The following SYNRG variants were observed in gnomAD, a reference collection of about 807,000 sequenced individuals.
The protein encoded by SYNRG is AP1 gamma subunit binding protein 1.
SYNRG carries 37 observed loss-of-function variants against 130.9 expected under a neutral mutation model. The ratio of observed to expected loss-of-function variants is 0.28; its 90% CI spans 0.22 to 0.37. The LOEUF (loss-of-function observed/expected upper bound fraction) is 0.37, where lower values mean the gene tolerates loss of function less well. Ranked by LOEUF, SYNRG falls within the 10% of genes least tolerant of loss-of-function variation. The pLI, the probability that SYNRG is intolerant of heterozygous loss-of-function variation, is 1.00. For missense variants in SYNRG, 1,338 were observed against 1,588.9 expected (o/e 0.84, Z 2.68); for synonymous variants, 539 against 568.1 (o/e 0.95, Z 0.73).
rs148724607 is a variant in SYNRG at position 37,570,984 on chromosome 17, T to A, written c.1099-99A>T. The A allele has an allele frequency of 2.6e-4, 374 of 1,425,036 alleles. No individual in the cohort carries two copies. In the African/African-American group the frequency reaches 3.7e-3, roughly 14 times the overall value. The allele number at this position is 1,425,036 out of a possible 1,614,324, so 88.3% of individuals were successfully genotyped here. A position where few individuals can be genotyped will look rare whatever the true frequency, so the allele number is the denominator to read the frequency against. Reference sequence around the variant, plus strand: ...GGTAAAAAAATCTGTAGCCTTTGCATGTTTCCACTCCAACTCTCAAAACTC... The same window carrying A: ...GGTAAAAAAATCTGTAGCCTTTGCAAGTTTCCACTCCAACTCTCAAAACTC... On this transcript the variant is annotated intron_variant, in intron 9 of 21. Transcript: ENST00000612223.
intron 6 of SYNRG, among the ~76,000 whole-genome samples, chr17:37,580,322 T>C (rs1337105687): frequency 6.7e-6 from 1 of 149,718 alleles, no homozygotes; most frequent in African/African-American, 2.5e-5. Context: ...TGAGATGGAA[T>C]CTTGCTGTGA....
At chr17:37,530,476 A>G (rs1403411501) in intron 19 of SYNRG, among the ~76,000 whole-genome samples, 1 of 152,210 alleles carries the variant, frequency 6.6e-6, no homozygotes, top group East Asian at 1.9e-4. Context: ...TCACTAGCGA[A>G]TCAATTTCAT....
intron 1 of SYNRG, among the ~76,000 whole-genome samples, chr17:37,608,271 C>T (rs2063990952): frequency 2.0e-5 from 3 of 152,048 alleles, no homozygotes. Flanking sequence ...GTAGTGTTCA[C>T]GACTCCGAAA....
chr17:37,536,248 T>C, intron 18 of SYNRG, 121 bp from the exon 19 acceptor site: 1 of 1,200,720 alleles, frequency 8.3e-7, no homozygotes, highest in Non-Finnish European at 1.1e-6. Context: ...GACAGAGGTG[T>C]ACTTACTATT....
At chr17:37,549,249 T>C (rs566929717) in intron 14 of SYNRG, among the ~76,000 whole-genome samples, 1 of 151,958 alleles carries the variant, frequency 6.6e-6, no homozygotes, top group South Asian at 2.1e-4. Context: ...ATGTAAACCA[T>C]GGAAATATCC....
At chr17:37,543,047 T>C (rs1370774369) in intron 14 of SYNRG, among the ~76,000 whole-genome samples, 1 of 152,204 alleles carries the variant, frequency 6.6e-6, no homozygotes, top group Non-Finnish European at 1.5e-5. Context: ...ATGAAAATAA[T>C]GTCATCTAAC....
chr17:37,538,240 G>T (rs2074409), intron 18 of SYNRG, 84 bp downstream of exon 18: 285,528 of 1,010,134 alleles, frequency 0.28, 44,775 homozygotes, highest in East Asian at 0.59. Flanking sequence ...TAACTTGAGA[G>T]ATCTAGCTTA....
At chr17:37,585,910 T>C (rs771110394) in intron 4 of SYNRG, among the ~76,000 whole-genome samples, 31 of 152,194 alleles carry the variant, frequency 2.0e-4, no homozygotes, top group Non-Finnish European at 3.4e-4. Flanking sequence ...TCACTTTCAC[T>C]AGATATAAAA....
chr17:37,562,698 C>T (rs533544541), intron 11 of SYNRG, among the ~76,000 whole-genome samples: 19 of 152,284 alleles, frequency 1.2e-4, no homozygotes, highest in African/African-American at 4.1e-4. Context: ...CACCACCAAA[C>T]AGCTGCTACA....
chr17:37,541,242 A>T (rs919153634), intron 15 of SYNRG: 9 of 985,324 alleles, frequency 9.1e-6, no homozygotes, highest in Non-Finnish European at 9.6e-6. Flanking sequence ...AATCCAGTTG[A>T]AATCAACGAC....
chr17:37,539,944 A>G lies in SYNRG; in HGVS notation c.3366+436T>C, dbSNP rs9912954. Among the ~76,000 whole-genome samples, 1,259 of 152,262 alleles carry G rather than the reference A, an allele frequency of 8.3e-3. 17 individuals carry two copies. Among genetic ancestry groups the G allele is most frequent in the African/African-American group, 0.029 (1,189 of 41,544 alleles). ...GTGTGAGGACGTGGCCCATGTGCAC[A>G]TGTAACAAGGAGTAGGGAAAGGTGG... On this transcript the variant is annotated intron_variant, in intron 16 of 21. Coordinates refer to ENST00000612223, the MANE Select transcript of SYNRG (RefSeq NM_007247.6).
chr17:37,593,975 T>G (rs1161212836), intron 3 of SYNRG, among the ~76,000 whole-genome samples: 1 of 151,970 alleles, frequency 6.6e-6, no homozygotes, highest in African/African-American at 2.4e-5. Flanking sequence ...TGCTTTGTCT[T>G]AGAATCATTA....
chr17:37,570,937 C>A, intron 9 of SYNRG, 52 bp from the exon 10 acceptor site: 2 of 1,549,474 alleles, frequency 1.3e-6, no homozygotes, highest in South Asian at 2.4e-5. Context: ...CACATACGGT[C>A]GAAATCTGGC....
chr17:37,535,196 C>T (rs1370943252), intron 19 of SYNRG, among the ~76,000 whole-genome samples: 1 of 151,650 alleles, frequency 6.6e-6, no homozygotes. Context: ...GAGTCCAATC[C>T]GTTTATACAC....
At chr17:37,595,652 A>G (rs2062698182) in intron 3 of SYNRG, among the ~76,000 whole-genome samples, 1 of 152,252 alleles carries the variant, frequency 6.6e-6, no homozygotes, top group Non-Finnish European at 1.5e-5. Context: ...TATAAGTTGA[A>G]AAAAGCAAAA....
chr17:37,521,533 G>A (rs531957422), intron 19 of SYNRG, among the ~76,000 whole-genome samples: 31 of 152,232 alleles, frequency 2.0e-4, no homozygotes, highest in Admixed American at 5.2e-4. Context: ...AGATGAAGCC[G>A]CAGCACGAGG....
At chr17:37,593,375 T>C (rs2062379219) in intron 3 of SYNRG, among the ~76,000 whole-genome samples, 1 of 152,040 alleles carries the variant, frequency 6.6e-6, no homozygotes, top group African/African-American at 2.4e-5. Context: ...ATTGTACCAC[T>C]GCACTCCAGC....
Position 37,547,886 on chromosome 17 carries a change from G to A in SYNRG, c.2608+5229C>T, listed in dbSNP as rs182993205. On this transcript the variant is annotated intron_variant, in intron 14 of 21. Coordinates refer to ENST00000612223, the MANE Select transcript of SYNRG (RefSeq NM_007247.6). ...ACATGAAGTGAAGCACTAACCATAT[G>A]TTACTTGGCATCAGGGTAAACAAAA... Among the ~76,000 whole-genome samples the A allele has an allele frequency of 1.0e-3, 157 of 152,312 alleles. 1 individual carries two copies. The highest frequency in any genetic ancestry group is 1.5e-3 in the Non-Finnish European group (103 of 68,032).
intron 1 of SYNRG, among the ~76,000 whole-genome samples, chr17:37,603,122 G>C (rs1369635128): frequency 2.0e-5 from 3 of 152,146 alleles, no homozygotes; most frequent in Non-Finnish European, 4.4e-5. Flanking sequence ...AAGAAAAAGG[G>C]ACAAATCAAG....
Sources: allele counts gnomAD v4.1 joint callset (sites outside exome capture counted in the v4.1 genomes callset), GRCh38; gene constraint gnomAD v4.1.1; transcripts MANE v1.5; gene names NCBI Gene and HGNC (gene_info 2026-07-23, HGNC 2026-07-21).